AOPEP: variants seen among roughly 807,000 people sequenced by gnomAD.
The protein encoded by AOPEP is aminopeptidase O.
A neutral mutation model predicts 98.1 loss-of-function variants in AOPEP; 77 were observed. That is an observed-to-expected ratio of 0.78 (90% CI 0.65 to 0.95). AOPEP has a LOEUF of 0.95. AOPEP is among the 40% of genes least tolerant of loss of function. AOPEP has a pLI of 0.00. For synonymous variants in AOPEP, 346 were observed against 365.3 expected (o/e 0.95, Z 0.60); for missense variants, 1,024 against 1,024.7 (o/e 1.00, Z 0.01).
intron 7 of AOPEP, among the ~76,000 whole-genome samples, chr9:94,940,770 C>T (rs1232934891): frequency 6.6e-6 from 1 of 152,136 alleles, no homozygotes. Flanking sequence ...ACTGCCCCTC[C>T]TGGCTTATTC....
At chr9:94,792,956 A>C in intron 4 of AOPEP, 38 bp downstream of exon 4, 2 of 1,573,344 alleles carry the variant, frequency 1.3e-6, no homozygotes, top group Non-Finnish European at 1.7e-6. Flanking sequence ...GAAAAAAAAA[A>C]AAACACTTGA....
At chr9:95,062,895 G>A (rs1204424088) in intron 14 of AOPEP, among the ~76,000 whole-genome samples, 1 of 152,256 alleles carries the variant, frequency 6.6e-6, no homozygotes. Flanking sequence ...TGTTCAGAAT[G>A]TGAAAGGAAA....
the AOPEP span, among the ~76,000 whole-genome samples, chr9:95,108,075 T>A: frequency 6.6e-6 from 1 of 152,236 alleles, no homozygotes; most frequent in Non-Finnish European, 1.5e-5. Context: ...CCATCACTTC[T>A]GAAAGAATAC....
chr9:94,753,098 A>T (rs1836203966), intron 1 of AOPEP, among the ~76,000 whole-genome samples: 1 of 152,216 alleles, frequency 6.6e-6, no homozygotes, highest in Non-Finnish European at 1.5e-5. Context: ...AGACAGATTC[A>T]TAAGATGTAG....
intron 13 of AOPEP, among the ~76,000 whole-genome samples, chr9:95,047,693 G>T (rs2065970614): frequency 1.3e-5 from 2 of 152,100 alleles, no homozygotes; most frequent in South Asian, 4.2e-4. Flanking sequence ...CTTAATCCTT[G>T]TTGGAGTTTT....
chr9:94,781,103 T>G (rs1292392121), intron 3 of AOPEP, among the ~76,000 whole-genome samples: 1 of 152,180 alleles, frequency 6.6e-6, no homozygotes, highest in Non-Finnish European at 1.5e-5. Context: ...TTTTTTTTTT[T>G]TAAAGAAGGC....
chr9:95,103,839 C>T, the AOPEP span, among the ~76,000 whole-genome samples: 1 of 152,182 alleles, frequency 6.6e-6, no homozygotes, highest in Non-Finnish European at 1.5e-5. Context: ...ACCAGTGCGT[C>T]CTTTAGGTCA....
At chr9:95,031,441 C>G (rs1001851173) in intron 13 of AOPEP, among the ~76,000 whole-genome samples, 2 of 152,204 alleles carry the variant, frequency 1.3e-5, no homozygotes, top group Non-Finnish European at 2.9e-5. Context: ...ACGACGTCAT[C>G]TAGGTCTTCA....
chr9:94,928,318 G>C, intron 6 of AOPEP, 107 bp from the exon 7 acceptor site: 1 of 776,220 alleles, frequency 1.3e-6, no homozygotes, highest in Non-Finnish European at 2.1e-6. Context: ...GGTGAGAGCA[G>C]GGGCAGGCTA....
intron 5 of AOPEP, among the ~76,000 whole-genome samples, chr9:94,918,719 T>A (rs1028946570): frequency 6.6e-6 from 1 of 152,256 alleles, no homozygotes; most frequent in East Asian, 1.9e-4. Context: ...AGCAATGAGA[T>A]GGCATGTGTA....
At chr9:95,120,905 A>G in the AOPEP span, among the ~76,000 whole-genome samples, 6 of 151,676 alleles carry the variant, frequency 4.0e-5, no homozygotes, top group Non-Finnish European at 5.9e-5. Context: ...TTACACTTCT[A>G]TTTTTTGGCA....
chr9:94,894,353 C>T (rs1454011607), intron 5 of AOPEP, among the ~76,000 whole-genome samples: 1 of 152,050 alleles, frequency 6.6e-6, no homozygotes, highest in East Asian at 1.9e-4. Context: ...CTCACTAATC[C>T]AGAGGATTAG....
intron 9 of AOPEP, among the ~76,000 whole-genome samples, chr9:94,967,227 G>A (rs528776285): frequency 6.6e-6 from 1 of 152,292 alleles, no homozygotes; most frequent in Non-Finnish European, 1.5e-5. Flanking sequence ...TTGTACAAGG[G>A]CATGAGAAGA....
At chr9:95,007,152 G>C (rs78887172) in intron 13 of AOPEP, among the ~76,000 whole-genome samples, 8,100 of 152,034 alleles carry the variant, frequency 0.053, 286 homozygotes, top group South Asian at 0.11. Context: ...TGCCCGCCTC[G>C]GTGTCCCAAA....
At chr9:94,915,417 G>A (rs566591369) in intron 5 of AOPEP, among the ~76,000 whole-genome samples, 12 of 152,112 alleles carry the variant, frequency 7.9e-5, no homozygotes, top group South Asian at 6.2e-4. Flanking sequence ...TGATTCTAAC[G>A]TGCTATTCCC....
chr9:94,949,964 A>C (rs1378071573), intron 7 of AOPEP, among the ~76,000 whole-genome samples: 2 of 152,212 alleles, frequency 1.3e-5, no homozygotes, highest in Admixed American at 1.3e-4. Context: ...TCTGATGATG[A>C]TGAGTCAAGG....
intron 5 of AOPEP, chr9:94,824,629 C>A (rs963085158): frequency 6.6e-6 from 1 of 152,158 alleles, no homozygotes; most frequent in Non-Finnish European, 1.5e-5. Flanking sequence ...GAACCAGGAG[C>A]TCATGGCTCA....
intron 14 of AOPEP, among the ~76,000 whole-genome samples, chr9:95,063,636 T>C (rs190884070): frequency 1.3e-5 from 2 of 152,338 alleles, no homozygotes; most frequent in Admixed American, 1.3e-4. Context: ...TTGGTTGATA[T>C]GCTTAATAAG....
rs146289148 is a variant in AOPEP, at chr9:95,054,382, A to T, written c.2116-6312A>T. On this transcript the variant is annotated intron_variant, in intron 13 of 16. Transcript: ENST00000375315. ...TATGATGCTTCCAACATATATAATA[A>T]CATAAAATATTAATGTACACGTGGT... is the stretch of plus-strand genomic sequence containing the variant. Among the ~76,000 whole-genome samples the T allele has an allele frequency of 4.3e-4, 65 of 152,320 alleles. 1 individual carries two copies. The East Asian group carries it at 0.012, about 28-fold the overall frequency.
Sources: allele counts gnomAD v4.1 joint callset (sites outside exome capture counted in the v4.1 genomes callset), GRCh38; gene constraint gnomAD v4.1.1; transcripts MANE v1.5; gene names NCBI Gene and HGNC (gene_info 2026-07-23, HGNC 2026-07-21).